The following DLG2 variants were observed in gnomAD, a reference collection of about 807,000 sequenced individuals.
DLG2 encodes the protein disks large homolog 2.
A neutral mutation model predicts 132.5 loss-of-function variants in DLG2; 45 were observed. The observed-to-expected ratio is 0.34, with a 90% CI of 0.27 to 0.44. The LOEUF (loss-of-function observed/expected upper bound fraction) is 0.44, where lower values mean the gene tolerates loss of function less well. DLG2 is among the 20% of genes least tolerant of loss of function. The pLI, the probability that DLG2 is intolerant of heterozygous loss-of-function variation, is 1.00. For synonymous variants in DLG2, 424 were observed against 419.6 expected, an observed-to-expected ratio of 1.01 and a Z score of -0.13; for missense variants, 1,045 against 1,196.9, an observed-to-expected ratio of 0.87 and a Z score of 1.87.
intron 4 of DLG2, among the ~76,000 whole-genome samples, chr11:85,266,163 G>GC (rs987350251): frequency 2.0e-5 from 3 of 152,194 alleles, no homozygotes; most frequent in South Asian, 2.1e-4. Flanking sequence ...GGAGTCATGG[G>GC]CCCCCCAACC....
At chr11:85,091,344 G>A (rs2068742485) in intron 6 of DLG2, among the ~76,000 whole-genome samples, 1 of 152,202 alleles carries the variant, frequency 6.6e-6, no homozygotes, top group South Asian at 2.1e-4. Flanking sequence ...CCTTCAGTGA[G>A]TCACGACCTT....
chr11:84,124,288 C>T (rs949395709), intron 9 of DLG2, among the ~76,000 whole-genome samples: 1 of 152,152 alleles, frequency 6.6e-6, no homozygotes, highest in African/African-American at 2.4e-5. Flanking sequence ...ATCTCCGTGT[C>T]CTCTGATAAA....
chr11:84,267,559 C>A (rs1015089643), intron 7 of DLG2, among the ~76,000 whole-genome samples: 4 of 152,162 alleles, frequency 2.6e-5, no homozygotes, highest in African/African-American at 9.7e-5. Flanking sequence ...CTGGCTTAAG[C>A]AAAATTTGGA....
At chr11:85,147,867 T>G (rs2076966512) in intron 5 of DLG2, among the ~76,000 whole-genome samples, 1 of 152,134 alleles carries the variant, frequency 6.6e-6, no homozygotes, top group Admixed American at 6.6e-5. Flanking sequence ...AAATCCCACA[T>G]GCATTAGCTA....
At chr11:84,833,294 A>C (rs1235317436) in intron 6 of DLG2, among the ~76,000 whole-genome samples, 1 of 151,626 alleles carries the variant, frequency 6.6e-6, no homozygotes, top group Admixed American at 6.6e-5. Flanking sequence ...GGTAGCTGAA[A>C]GCCAATACCA....
rs1218845902 is a variant in DLG2, at chr11:83,620,749, AGTCCCAG to A, written c.1940+12455_1940+12461del. Among the ~76,000 whole-genome samples, 5 of 149,812 alleles carry A rather than the reference AGTCCCAG, an allele frequency of 3.3e-5. No homozygotes were observed. The East Asian group carries it at 9.8e-4, about 29-fold the overall frequency. ...GCCGGGCGTAGTGGCGGGCGCCTGT[AGTCCCAG>A]CTACTTGGGAGGCTGAGGCAGGAGA... On this transcript the variant is annotated intron_variant, in intron 19 of 27. Transcript: ENST00000376104.
At chr11:83,745,437 T>C (rs2092832520) in intron 18 of DLG2, among the ~76,000 whole-genome samples, 1 of 152,176 alleles carries the variant, frequency 6.6e-6, no homozygotes, top group Non-Finnish European at 1.5e-5. Context: ...ATTCCTTTAC[T>C]CTTTCATTTT....
At chr11:85,177,055 C>T (rs1279200313) in intron 4 of DLG2, among the ~76,000 whole-genome samples, 1 of 151,950 alleles carries the variant, frequency 6.6e-6, no homozygotes, top group Non-Finnish European at 1.5e-5. Flanking sequence ...AGCAATTCCT[C>T]AAAGATCTAG....
chr11:83,788,277 T>G (rs1020118009), intron 17 of DLG2, among the ~76,000 whole-genome samples: 1 of 152,198 alleles, frequency 6.6e-6, no homozygotes, highest in African/African-American at 2.4e-5. Flanking sequence ...TCATAATAAC[T>G]TCGTTAACAT....
intron 7 of DLG2, among the ~76,000 whole-genome samples, chr11:84,418,886 T>C (rs2098939005): frequency 6.6e-6 from 1 of 152,354 alleles, no homozygotes; most frequent in Non-Finnish European, 1.5e-5. Context: ...TAATTTTCCA[T>C]ATTTTCCTTG....
At chr11:84,683,818 A>T (rs2099735697) in intron 6 of DLG2, among the ~76,000 whole-genome samples, 1 of 152,220 alleles carries the variant, frequency 6.6e-6, no homozygotes, top group Non-Finnish European at 1.5e-5. Flanking sequence ...GAATCCAGAA[A>T]AAAGGAAGAG....
intron 6 of DLG2, among the ~76,000 whole-genome samples, chr11:85,099,487 CAT>C (rs1259178488): frequency 1.3e-5 from 2 of 152,122 alleles, no homozygotes; most frequent in East Asian, 3.9e-4. Context: ...GTACAAAAAA[CAT>C]AAAGAATAAA....
At chr11:84,454,217 A>T (rs1414150309) in intron 7 of DLG2, among the ~76,000 whole-genome samples, 1 of 151,524 alleles carries the variant, frequency 6.6e-6, no homozygotes, top group Admixed American at 6.6e-5. Context: ...CCAGAGGAAG[A>T]TGATAAGGTA....
intron 18 of DLG2, among the ~76,000 whole-genome samples, chr11:83,682,581 C>T (rs922187704): frequency 2.0e-5 from 3 of 152,056 alleles, no homozygotes; most frequent in African/African-American, 7.2e-5. Flanking sequence ...GAGGAGTAGG[C>T]AAAGACAACA....
chr11:85,147,494 C>T (rs1175116759), intron 5 of DLG2, among the ~76,000 whole-genome samples: 1 of 152,122 alleles, frequency 6.6e-6, no homozygotes, highest in Admixed American at 6.5e-5. Context: ...TTATTTGTTC[C>T]ACTACTGAGT....
chr11:84,719,342 GCT>G (rs772768113), intron 6 of DLG2, among the ~76,000 whole-genome samples: 2 of 152,122 alleles, frequency 1.3e-5, no homozygotes, highest in East Asian at 1.9e-4. Context: ...GATGAAGAAA[GCT>G]CTCTCTCTTT....
chr11:83,542,824 A>T (rs533895866), intron 19 of DLG2, among the ~76,000 whole-genome samples: 5 of 152,290 alleles, frequency 3.3e-5, no homozygotes, highest in Admixed American at 2.0e-4. Flanking sequence ...CATACAGCAT[A>T]TGACTTTCCC....
intron 6 of DLG2, among the ~76,000 whole-genome samples, chr11:85,079,024 G>T (rs926015511): frequency 1.2e-4 from 7 of 57,148 alleles, no homozygotes; most frequent in Admixed American, 1.9e-4. Flanking sequence ...TGTGTTTTAG[G>T]GGGGGGGTCT....
At chr11:85,395,752 G>A (rs1471298897) in intron 3 of DLG2, among the ~76,000 whole-genome samples, 1 of 152,158 alleles carries the variant, frequency 6.6e-6, no homozygotes, top group Non-Finnish European at 1.5e-5. Context: ...TGTAAACAAA[G>A]AGGCCAGGAA....
Sources: allele counts gnomAD v4.1 joint callset (sites outside exome capture counted in the v4.1 genomes callset), GRCh38; gene constraint gnomAD v4.1.1; transcripts MANE v1.5; gene names NCBI Gene and HGNC (gene_info 2026-07-23, HGNC 2026-07-21).